C7: variants seen among roughly 807,000 people sequenced by gnomAD.
The protein encoded by C7 is complement component C7.
C7 carries 83 observed loss-of-function variants against 104.8 expected under a neutral mutation model. The ratio of observed to expected loss-of-function variants is 0.79; its 90% CI spans 0.66 to 0.95. The LOEUF is 0.95. C7 is among the 40% of genes least tolerant of loss of function. The probability of loss-of-function intolerance (pLI) is 0.00; values close to 1 mark genes in which losing one functional copy is unlikely to be tolerated. For missense variants in C7, 1,070 were observed against 1,011.2 expected, an observed-to-expected ratio of 1.06 and a Z score of -0.79; for synonymous variants, 415 against 360.6, an observed-to-expected ratio of 1.15 and a Z score of -1.71.
chr5:40,936,125 T>C (rs1001050950), intron 4 of C7, among the ~76,000 whole-genome samples: 14 of 152,180 alleles, frequency 9.2e-5, no homozygotes, highest in Admixed American at 2.6e-4. Flanking sequence ...TTTTCAATTT[T>C]GTGTCTGATT....
At chr5:40,920,863 A>G (rs1739423785) in intron 1 of C7, among the ~76,000 whole-genome samples, 1 of 152,204 alleles carries the variant, frequency 6.6e-6, no homozygotes, top group Non-Finnish European at 1.5e-5. Context: ...AGCCTGCCCA[A>G]CATGGGGAAA....
intron 1 of C7, among the ~76,000 whole-genome samples, chr5:40,928,155 G>T (rs1739599320): frequency 6.6e-6 from 1 of 152,114 alleles, no homozygotes; most frequent in African/African-American, 2.4e-5. Context: ...AATAAACCAG[G>T]CACAGGAAGA....
At chr5:40,956,927 A>G (rs1029858439) in intron 10 of C7, among the ~76,000 whole-genome samples, 1 of 152,268 alleles carries the variant, frequency 6.6e-6, no homozygotes, top group African/African-American at 2.4e-5. Context: ...TTAGAGAAAG[A>G]CACATGTTCT....
intron 14 of C7, among the ~76,000 whole-genome samples, chr5:40,968,317 G>A (rs1466854366): frequency 5.9e-5 from 9 of 151,420 alleles, no homozygotes; most frequent in East Asian, 5.8e-4. Context: ...GTAAAGATGA[G>A]GTTTTGCCAT....
chr5:40,949,974 T>C lies in C7; in HGVS notation c.1053T>C (p.His351=). The C allele has an allele frequency of 6.2e-7, 1 of 1,601,094 alleles. No homozygotes were observed. The highest frequency in any genetic ancestry group is 1.1e-5 in the South Asian group (1 of 88,396). The change falls in exon 9 of 18, where the codon CAT becomes CAC. Residue 351 remains histidine, a synonymous_variant. Transcript: ENST00000313164. ...GWHFVVKFSS[H]GCKELENALK... ...ATTTTGTCGTTAAATTTTCAAGTCA[T>C]GGATGCAAGGAACTGGAAAACGCTT...
chr5:40,983,075 A>G lies in C7; in HGVS notation c.*1502A>G, dbSNP rs1178939602. 2 of 152,358 alleles carry G rather than the reference A, an allele frequency of 1.3e-5. No homozygotes were observed. The highest frequency in any genetic ancestry group is 4.8e-5 in the African/African-American group (2 of 41,466). The allele number at this position is 152,358 out of a possible 1,614,324, so 9.4% of individuals were successfully genotyped here. A position where few individuals can be genotyped will look rare whatever the true frequency, so the allele number is the denominator to read the frequency against. On this transcript the variant is annotated 3_prime_UTR_variant, in exon 18 of 18. Transcript: ENST00000313164. ...GTGTGCCCTAAGGGAAGATGCAGAT[A>G]TAATATGTTGAAGTTACAAGGAGGC...
At chr5:40,936,277 C>T (rs1040648474) in intron 4 of C7, 61 bp from the exon 5 acceptor site, 2 of 1,545,610 alleles carry the variant, frequency 1.3e-6, no homozygotes, top group South Asian at 1.1e-5. Flanking sequence ...CTTTTTGGTC[C>T]TGGGTAGTGT....
Position 40,978,805 on chromosome 5 carries a change from C to T in C7, c.2166-920C>T, listed in dbSNP as rs536057490. Among the ~76,000 whole-genome samples the T allele has an allele frequency of 2.1e-4, 30 of 146,142 alleles. No individual in the cohort carries two copies. The South Asian group carries it at 6.6e-3, about 32-fold the overall frequency. ...GTGGAGTTTTCTGATAGTGACATTT[C>T]TAAATAGCTATTTTTTTCCACTATT... On this transcript the variant is annotated intron_variant, in intron 16 of 17. Coordinates refer to ENST00000313164, the MANE Select transcript of C7 (RefSeq NM_000587.4).
rs780083850 is a variant in C7, at chr5:40,931,077, G to C, written c.76G>C (p.Val26Leu). 2.5e-6 allele frequency: 4 copies of C among 1,612,152 alleles called. No individual in the cohort carries two copies. The highest frequency in any genetic ancestry group is 2.5e-6 in the Non-Finnish European group (3 of 1,178,364). The change falls in exon 3 of 18, where the codon GTC becomes CTC. Residue 26 changes from valine (V) to leucine (L), a missense_variant. Transcript: ENST00000313164. ...FQSFSSASSP[V>L]NCQWDFYAPW... The stretch of plus-strand genomic sequence containing the variant: ...ACACTGTGGCAGTGCCTCCTCTCCA[G>C]TCAACTGCCAGTGGGACTTCTATGC...
intron 6 of C7, among the ~76,000 whole-genome samples, chr5:40,938,463 T>G (rs765866322): frequency 3.3e-5 from 5 of 152,182 alleles, no homozygotes; most frequent in Admixed American, 2.0e-4. Context: ...AATTTTTTCT[T>G]ATGAAAATGC....
intron 1 of C7, among the ~76,000 whole-genome samples, chr5:40,926,431 A>G (rs1739553513): frequency 6.6e-6 from 1 of 152,216 alleles, no homozygotes; most frequent in Non-Finnish European, 1.5e-5. Context: ...ATTAGGCAAG[A>G]AAAAGAAATG....
At chr5:40,979,685 C>A in intron 16 of C7, 40 bp from the exon 17 acceptor site, 1 of 1,552,362 alleles carries the variant, frequency 6.4e-7, no homozygotes, top group Non-Finnish European at 8.8e-7. Context: ...CTTTTACGAA[C>A]AAAAATCTTG....
At chr5:40,959,380 G>C in intron 11 of C7, 69 bp from the exon 12 acceptor site, 1 of 1,377,568 alleles carries the variant, frequency 7.3e-7, no homozygotes, top group Admixed American at 2.3e-5. Context: ...CTTGTTAGCA[G>C]GAAGCATAGC....
intron 10 of C7, among the ~76,000 whole-genome samples, chr5:40,957,775 T>TG (rs1468107223): frequency 2.0e-5 from 3 of 151,684 alleles, no homozygotes; most frequent in African/African-American, 7.3e-5. Flanking sequence ...TTTGTTTTTT[T>TG]TTTTTTTAAA....
chr5:40,951,835 G>A (rs550128800), intron 9 of C7, among the ~76,000 whole-genome samples: 1 of 152,290 alleles, frequency 6.6e-6, no homozygotes, highest in East Asian at 1.9e-4. Context: ...GCAAGAAGGA[G>A]GAAGATAAGT....
At chr5:40,923,246 T>C (rs1161464085) in intron 1 of C7, among the ~76,000 whole-genome samples, 1 of 152,196 alleles carries the variant, frequency 6.6e-6, no homozygotes, top group Non-Finnish European at 1.5e-5. Context: ...CTAATTGTAT[T>C]AGGCCATTAT....
At chr5:40,930,204 CTTTTT>C (rs34608357) in intron 2 of C7, among the ~76,000 whole-genome samples, 1 of 123,060 alleles carries the variant, frequency 8.1e-6, no homozygotes, top group Non-Finnish European at 1.6e-5. Flanking sequence ...TGACCTACCT[CTTTTT>C]TTTTTTTTTT....
intron 9 of C7, among the ~76,000 whole-genome samples, chr5:40,954,525 A>C (rs9292798): frequency 0.18 from 26,647 of 152,178 alleles, 2,460 homozygotes; most frequent in South Asian, 0.22. Flanking sequence ...TATAAAGAAC[A>C]TGAACAATAA....
At chr5:40,933,930 TTTTTC>T (rs1255124378) in intron 3 of C7, among the ~76,000 whole-genome samples, 1 of 139,946 alleles carries the variant, frequency 7.1e-6, no homozygotes, top group Non-Finnish European at 1.5e-5. Context: ...GTTACTTTCT[TTTTTC>T]TTTTCTTTTT....
Sources: allele counts gnomAD v4.1 joint callset (sites outside exome capture counted in the v4.1 genomes callset), GRCh38; gene constraint gnomAD v4.1.1; transcripts MANE v1.5; gene names NCBI Gene and HGNC (gene_info 2026-07-23, HGNC 2026-07-21).